Variants in N4BP2 observed in about 807,000 individuals in gnomAD.
N4BP2 encodes the protein NEDD4 binding protein 2, also known as NEDD4-binding protein 2.
N4BP2 carries 91 observed loss-of-function variants against 152.8 expected under a neutral mutation model. That is an observed-to-expected ratio of 0.60 (90% CI 0.50 to 0.71). The LOEUF is 0.71. N4BP2 is among the 30% of genes least tolerant of loss of function. N4BP2 has a pLI of 0.00. For synonymous variants in N4BP2, 646 were observed against 705.3 expected (o/e 0.92, Z 1.33); for missense variants, 1,923 against 2,059.1 (o/e 0.93, Z 1.28).
chr4:40,152,726 T>C, intron 16 of N4BP2, 54 bp from the exon 17 acceptor site: 1 of 1,598,062 alleles, frequency 6.3e-7, no homozygotes, highest in Non-Finnish European at 8.6e-7. Flanking sequence ...TTACGTTTTC[T>C]ATTGAGAATG....
intron 3 of N4BP2, 24 bp downstream of exon 3, chr4:40,097,593 C>T (rs770880542): frequency 7.2e-7 from 1 of 1,396,708 alleles, no homozygotes; most frequent in Admixed American, 1.7e-5. Context: ...TAGTTTGAAC[C>T]CTGTCCATCT....
chr4:40,103,821 A>G (rs943956651), intron 4 of N4BP2, among the ~76,000 whole-genome samples: 2 of 152,116 alleles, frequency 1.3e-5, no homozygotes, highest in Non-Finnish European at 2.9e-5. Flanking sequence ...TTAATCTGGG[A>G]GACAGGAGTC....
rs191119601 is a variant in N4BP2, at chr4:40,085,092, T to C, written c.-115+11541T>C. Among the ~76,000 whole-genome samples the C allele has an allele frequency of 5.2e-3, 790 of 152,038 alleles. 8 individuals carry two copies. The highest frequency in any genetic ancestry group is 0.018 in the African/African-American group (746 of 41,448). ...CACGCCCAGCTAATTTTTATATTTT[T>C]AGTAGAGACGGGGCTTCACTGTGTT... On this transcript the variant is annotated intron_variant, in intron 2 of 17. Transcript: ENST00000261435.
At chr4:40,132,136 AATTG>A (rs905303444) in intron 13 of N4BP2, among the ~76,000 whole-genome samples, 1 of 152,154 alleles carries the variant, frequency 6.6e-6, no homozygotes, top group African/African-American at 2.4e-5. Flanking sequence ...TATAAATAAG[AATTG>A]ATTTACAAAT....
chr4:40,142,460 G>A, intron 14 of N4BP2: 1 of 488,032 alleles, frequency 2.0e-6, no homozygotes, highest in Non-Finnish European at 3.7e-6. Context: ...CCCGAGAGTG[G>A]TTAAAGAAAG....
chr4:40,110,831 C>T (rs1436066510), intron 5 of N4BP2, among the ~76,000 whole-genome samples: 9 of 152,166 alleles, frequency 5.9e-5, no homozygotes, highest in Admixed American at 5.2e-4. Flanking sequence ...AGGTACCGTG[C>T]CCAGCCTCCT....
intron 14 of N4BP2, among the ~76,000 whole-genome samples, chr4:40,141,181 C>T (rs1579124912): frequency 6.6e-6 from 1 of 151,774 alleles, no homozygotes; most frequent in East Asian, 2.0e-4. Flanking sequence ...CAGAGGCGCC[C>T]CTCACCTCCC....
intron 4 of N4BP2, among the ~76,000 whole-genome samples, chr4:40,105,442 G>A (rs980728247): frequency 5.3e-5 from 8 of 151,394 alleles, no homozygotes; most frequent in Non-Finnish European, 7.4e-5. Flanking sequence ...CTCCAGCCTC[G>A]GTCTCCTGAG....
chr4:40,189,994 G>A, the N4BP2 span, among the ~76,000 whole-genome samples: 1 of 152,064 alleles, frequency 6.6e-6, no homozygotes, highest in East Asian at 1.9e-4. The surrounding 1 kb of genome is among the most constrained non-coding windows in gnomAD (Gnocchi z 4.3). Context: ...TTTTTTAAAA[G>A]ACTTTACATT....
chr4:40,096,983 A>T (rs1432645650), intron 2 of N4BP2, among the ~76,000 whole-genome samples: 1 of 152,190 alleles, frequency 6.6e-6, no homozygotes, highest in Non-Finnish European at 1.5e-5. Flanking sequence ...TCGTGTTTTT[A>T]AAAATGAAAA....
chr4:40,150,496 G>A (rs892758962), intron 16 of N4BP2, among the ~76,000 whole-genome samples: 6 of 152,010 alleles, frequency 3.9e-5, no homozygotes, highest in Admixed American at 6.6e-5. Flanking sequence ...GTGAAACCAC[G>A]TCTCCACTAA....
chr4:40,142,307 C>A (rs192729099), intron 14 of N4BP2: 23 of 320,730 alleles, frequency 7.2e-5, no homozygotes, highest in Non-Finnish European at 1.1e-4. Flanking sequence ...CTCTCTCTGG[C>A]GGTGGTGGCG....
intron 13 of N4BP2, among the ~76,000 whole-genome samples, chr4:40,133,212 G>A (rs1426667383): frequency 6.6e-6 from 1 of 151,792 alleles, no homozygotes; most frequent in Non-Finnish European, 1.5e-5. Flanking sequence ...TTTCCTTTCA[G>A]TCTTTAATAA....
chr4:40,111,370 G>A (rs945161877), intron 5 of N4BP2, among the ~76,000 whole-genome samples: 1 of 152,130 alleles, frequency 6.6e-6, no homozygotes, highest in Non-Finnish European at 1.5e-5. Flanking sequence ...ACCCAGGCTG[G>A]AGTACAATGG....
intron 2 of N4BP2, among the ~76,000 whole-genome samples, chr4:40,089,969 G>A (rs1035614015): frequency 6.6e-6 from 1 of 152,156 alleles, no homozygotes; most frequent in African/African-American, 2.4e-5. Context: ...ATGAGACTTA[G>A]GTCAAGGTTT....
At chr4:40,173,884 C>A in the N4BP2 span, among the ~76,000 whole-genome samples, 1 of 151,760 alleles carries the variant, frequency 6.6e-6, no homozygotes, top group Non-Finnish European at 1.5e-5. Context: ...TTCTTTTTTT[C>A]TTTTTCCTGA....
At chr4:40,077,976 T>C (rs771155348) in intron 2 of N4BP2, 3 of 152,192 alleles carry the variant, frequency 2.0e-5, no homozygotes, top group Admixed American at 2.0e-4. Context: ...AAGTGTTCCA[T>C]ATTTTTAGCT....
chr4:40,113,377 T>C (rs1717066940), intron 6 of N4BP2, 55 bp from the exon 7 acceptor site: 7 of 1,281,232 alleles, frequency 5.5e-6, no homozygotes, highest in Middle Eastern at 1.9e-4. Flanking sequence ...GAAACAATAA[T>C]TTTAATTTCT....
chr4:40,101,137 A>T (rs1715608550), intron 3 of N4BP2, among the ~76,000 whole-genome samples: 2 of 152,114 alleles, frequency 1.3e-5, no homozygotes, highest in African/African-American at 4.8e-5. Flanking sequence ...TTTGTACATT[A>T]TCAAAAGTGT....
Sources: gnomAD v4.1 joint callset for allele counts (sites outside exome capture counted in the v4.1 genomes callset) on GRCh38, gnomAD v4.1.1 for gene constraint, Gnocchi (gnomAD v3.1) non-coding constraint, MANE v1.5 for transcripts, NCBI Gene and HGNC (gene_info 2026-07-23, HGNC 2026-07-21) for gene names.